Variants in EVI5 observed in about 807,000 individuals in gnomAD.
EVI5 encodes the protein ecotropic viral integration site 5 protein homolog.
In EVI5, 73 loss-of-function variants were observed where a neutral mutation model predicts 112.0. The ratio of observed to expected loss-of-function variants is 0.65; its 90% confidence interval spans 0.54 to 0.79. EVI5 has a LOEUF of 0.79. EVI5 is among the 30% of genes least tolerant of loss of function. The probability of loss-of-function intolerance (pLI) is 0.00; values close to 1 mark genes in which losing one functional copy is unlikely to be tolerated. For missense variants in EVI5, 900 were observed against 968.8 expected (o/e 0.93, Z 0.94); for synonymous variants, 305 against 319.9 (o/e 0.95, Z 0.50).
chr1:92,732,898 CAAAAAA>C (rs3042602), intron 2 of EVI5, among the ~76,000 whole-genome samples: 11 of 89,080 alleles, frequency 1.2e-4, no homozygotes, highest in African/African-American at 3.5e-4. Context: ...GACTCCATCT[CAAAAAA>C]AAAAAAAAAA....
chr1:92,678,786 G>A (rs530457082), intron 9 of EVI5, among the ~76,000 whole-genome samples: 8 of 152,184 alleles, frequency 5.3e-5, no homozygotes, highest in African/African-American at 1.9e-4. Flanking sequence ...ACTTACAGCT[G>A]CTTTCAAAAA....
chr1:92,694,103 A>C (rs1414630331), intron 8 of EVI5, among the ~76,000 whole-genome samples, 196 bp downstream of exon 8: 2 of 152,040 alleles, frequency 1.3e-5, no homozygotes, highest in Admixed American at 6.6e-5. Flanking sequence ...TTCTACTAAA[A>C]ATACAAAACT....
intron 14 of EVI5, 41 bp from the exon 15 acceptor site, chr1:92,625,975 A>G (rs1220211277): frequency 1.4e-6 from 2 of 1,381,536 alleles, no homozygotes; most frequent in African/African-American, 2.9e-5. Context: ...TTTAAATTTA[A>G]GGAATAAAAT....
chr1:92,753,731 A>C (rs952499775), intron 1 of EVI5, among the ~76,000 whole-genome samples: 22 of 152,136 alleles, frequency 1.4e-4, no homozygotes, highest in African/African-American at 5.1e-4. Context: ...AATTACACCT[A>C]ATTTTGGAAT....
chr1:92,599,387 T>C (rs562320551), intron 18 of EVI5, among the ~76,000 whole-genome samples: 2 of 151,986 alleles, frequency 1.3e-5, no homozygotes, highest in South Asian at 2.1e-4. Context: ...CTCCCCCTAG[T>C]GGAACTTGAA....
intron 19 of EVI5, among the ~76,000 whole-genome samples, chr1:92,541,074 A>C (rs755272140): frequency 2.4e-4 from 37 of 152,162 alleles, no homozygotes; most frequent in Non-Finnish European, 4.3e-4. Flanking sequence ...ACTCTGTCTC[A>C]AAAAAACAAA....
At chr1:92,687,737 A>C (rs1459097185) in intron 9 of EVI5, among the ~76,000 whole-genome samples, 1 of 152,170 alleles carries the variant, frequency 6.6e-6, no homozygotes, top group Non-Finnish European at 1.5e-5. Context: ...GATATGAACA[A>C]ATACTTCTCA....
At chr1:92,591,116 C>T (rs1400314911) in intron 18 of EVI5, among the ~76,000 whole-genome samples, 1 of 152,136 alleles carries the variant, frequency 6.6e-6, no homozygotes, top group Non-Finnish European at 1.5e-5. Flanking sequence ...GAAGGAAGCA[C>T]TAAACATGGA....
chr1:92,560,312 C>T (rs149116952), intron 19 of EVI5, among the ~76,000 whole-genome samples: 11 of 152,230 alleles, frequency 7.2e-5, no homozygotes, highest in Non-Finnish European at 1.5e-4. Context: ...AAACATACTG[C>T]AAGAATCCAT....
At position 92,781,285 on chromosome 1, in the gene EVI5, T is replaced by C. The variant is rs191271933; in HGVS notation, c.-82+3551A>G. Among the ~76,000 whole-genome samples the C allele has an allele frequency of 1.8e-3, 275 of 152,170 alleles. 1 individual carries two copies. Among genetic ancestry groups the C allele is most frequent in the Admixed American group, 6.3e-3 (96 of 15,288 alleles). ...ACTTTGGGAAGCCGAAGAGGGCAGATTGCTTGAGCCCAAGAGTTTGAGACC... is the reference window on the plus strand; with the variant it reads ...ACTTTGGGAAGCCGAAGAGGGCAGACTGCTTGAGCCCAAGAGTTTGAGACC... On this transcript the variant is annotated intron_variant, in intron 1 of 19. Coordinates refer to ENST00000684568, the MANE Select transcript of EVI5 (RefSeq NM_001350197.2).
At chr1:92,735,720 TATATA>T (rs59605834) in intron 2 of EVI5, among the ~76,000 whole-genome samples, 4,776 of 142,300 alleles carry the variant, frequency 0.034, 144 homozygotes, top group Middle Eastern at 0.077. Context: ...TATTATATTA[TATATA>T]ATATAATATA....
chr1:92,630,259 G>C (rs1183907075), intron 14 of EVI5, among the ~76,000 whole-genome samples: 1 of 152,164 alleles, frequency 6.6e-6, no homozygotes, highest in South Asian at 2.1e-4. Flanking sequence ...TTCCACAATG[G>C]TTGAACTAGT....
intron 2 of EVI5, among the ~76,000 whole-genome samples, chr1:92,714,569 T>C (rs1434331233): frequency 6.6e-6 from 1 of 152,142 alleles, no homozygotes; most frequent in Non-Finnish European, 1.5e-5. Flanking sequence ...CACTAAAGCT[T>C]AGTGTTTGTC....
intron 1 of EVI5, among the ~76,000 whole-genome samples, chr1:92,768,667 G>A (rs140562456): frequency 2.0e-5 from 3 of 152,212 alleles, no homozygotes; most frequent in Admixed American, 2.0e-4. Flanking sequence ...TTGATCCCAG[G>A]AGTTTAAGAC....
At chr1:92,642,507 A>C (rs1180366647) in intron 13 of EVI5, among the ~76,000 whole-genome samples, 1 of 152,204 alleles carries the variant, frequency 6.6e-6, no homozygotes, top group South Asian at 2.1e-4. Flanking sequence ...ATATCAACTA[A>C]CTTCCATTTT....
rs923247069 is a variant in EVI5 at position 92,743,512 on chromosome 1, C to T, written c.-81-6885G>A. On this transcript the variant is annotated intron_variant, in intron 1 of 19. Coordinates refer to ENST00000684568, the MANE Select transcript of EVI5 (RefSeq NM_001350197.2). ...GAGACAGAAAGTAAAATGGTGGTTG[C>T]CATGGGAAGAGGAAATAGGGAGTTA... Among the ~76,000 whole-genome samples the T allele has an allele frequency of 5.3e-5, 8 of 151,796 alleles. No homozygotes were observed. In the South Asian group the frequency reaches 1.3e-3, roughly 24 times the overall value.
At chr1:92,720,680 C>G (rs1299687667) in intron 2 of EVI5, among the ~76,000 whole-genome samples, 1 of 152,114 alleles carries the variant, frequency 6.6e-6, no homozygotes, top group East Asian at 1.9e-4. Flanking sequence ...CAAATGGGAT[C>G]TAATTAAACT....
intron 19 of EVI5, among the ~76,000 whole-genome samples, chr1:92,520,534 G>C (rs1660729748): frequency 6.6e-6 from 1 of 152,094 alleles, no homozygotes; most frequent in South Asian, 2.1e-4. Flanking sequence ...CTTTCCCCGT[G>C]TAAAGATGCC....
At chr1:92,758,375 C>G (rs957524912) in intron 1 of EVI5, among the ~76,000 whole-genome samples, 1 of 152,012 alleles carries the variant, frequency 6.6e-6, no homozygotes, top group Non-Finnish European at 1.5e-5. Context: ...TCAAGACCAG[C>G]TTGGGCAACA....
Sources: gnomAD v4.1 joint callset for allele counts (sites outside exome capture counted in the v4.1 genomes callset) on GRCh38, gnomAD v4.1.1 for gene constraint, MANE v1.5 for transcripts, NCBI Gene and HGNC (gene_info 2026-07-23, HGNC 2026-07-21) for gene names.